The following SLC2A9 variants were observed in gnomAD, a reference collection of about 807,000 sequenced individuals.
SLC2A9 encodes solute carrier family 2, facilitated glucose transporter member 9.
A neutral mutation model predicts 50.6 loss-of-function variants in SLC2A9; 39 were observed. The observed-to-expected ratio is 0.77, with a 90% CI of 0.60 to 1.01. The LOEUF (loss-of-function observed/expected upper bound fraction) is 1.01, where lower values mean the gene tolerates loss of function less well. Among genes scored for constraint, SLC2A9 ranks in the 50% least tolerant of loss-of-function variants. The probability of loss-of-function intolerance (pLI) is 0.00; values close to 1 mark genes in which losing one functional copy is unlikely to be tolerated. For synonymous variants in SLC2A9, 324 were observed against 276.9 expected (o/e 1.17, Z -1.69); for missense variants, 686 against 677.6 (o/e 1.01, Z -0.14).
chr4:9,938,237 T>C (rs1156917692), intron 6 of SLC2A9, among the ~76,000 whole-genome samples: 1 of 151,988 alleles, frequency 6.6e-6, no homozygotes, highest in Non-Finnish European at 1.5e-5. Flanking sequence ...AAATTTTCTG[T>C]GTCTCCAACC....
intron 5 of SLC2A9, among the ~76,000 whole-genome samples, chr4:9,949,639 C>T (rs1217839646): frequency 2.6e-5 from 4 of 152,128 alleles, no homozygotes; most frequent in African/African-American, 9.7e-5. Context: ...ATCTGCAGTT[C>T]CTGGAGCAAA....
intron 7 of SLC2A9, among the ~76,000 whole-genome samples, chr4:9,919,054 T>C (rs1405537492): frequency 6.6e-6 from 1 of 152,182 alleles, no homozygotes; most frequent in Non-Finnish European, 1.5e-5. Flanking sequence ...TTAGAACTGA[T>C]GGTTCTCAGT....
chr4:9,935,354 C>G (rs573182021), intron 6 of SLC2A9, among the ~76,000 whole-genome samples: 1 of 152,196 alleles, frequency 6.6e-6, no homozygotes, highest in South Asian at 2.1e-4. Context: ...CACTGTCCCT[C>G]GGAGGGGGAG....
intron 5 of SLC2A9, among the ~76,000 whole-genome samples, chr4:9,949,241 A>G (rs1392773504): frequency 6.6e-6 from 1 of 152,160 alleles, no homozygotes; most frequent in Non-Finnish European, 1.5e-5. Context: ...TTATCTGCCC[A>G]GTGCCAGGTA....
At chr4:9,829,933 A>G (rs1477505323) in intron 11 of SLC2A9, among the ~76,000 whole-genome samples, 1 of 152,232 alleles carries the variant, frequency 6.6e-6, no homozygotes, top group African/African-American at 2.4e-5. Context: ...AATTAGTTCA[A>G]TCATTGTGAA....
chr4:9,958,547 G>C (rs1034134939), intron 5 of SLC2A9, among the ~76,000 whole-genome samples: 4 of 152,156 alleles, frequency 2.6e-5, no homozygotes, highest in Non-Finnish European at 4.4e-5. Context: ...TGTAGATCAC[G>C]GGTTGATAGG....
intron 3 of SLC2A9, among the ~76,000 whole-genome samples, chr4:9,811,211 T>C (rs1040857598): frequency 6.6e-6 from 1 of 152,278 alleles, no homozygotes; most frequent in East Asian, 1.9e-4. Flanking sequence ...TTGGGGGTGG[T>C]AGACAGTTTG....
At chr4:9,886,015 T>C (rs1185953637) in intron 10 of SLC2A9, among the ~76,000 whole-genome samples, 2 of 152,108 alleles carry the variant, frequency 1.3e-5, no homozygotes, top group Non-Finnish European at 2.9e-5. Context: ...CTATGATGGG[T>C]GATGAGATAG....
At chr4:9,783,061 C>T (rs1718711529) in intron 3 of SLC2A9, 3 of 1,614,236 alleles carry the variant, frequency 1.9e-6, no homozygotes, top group Middle Eastern at 1.6e-4. Flanking sequence ...TCGACGTCTT[C>T]GTCTGGTTCG....
Position 10,019,059 on chromosome 4 carries a change from C to T in SLC2A9, c.165G>A (p.Ser55=), listed in dbSNP as rs559989433. Residue 55 remains serine, a synonymous_variant, in exon 2 of 12, where the codon TCG becomes TCA. Transcript: ENST00000264784. Reference sequence around the variant, plus strand: ...CGCCCGCGAGGGAGGCCACGAGGAGCGAGCAGGACCAGTCCTGAGGGGAGA... The same window carrying T: ...CGCCCGCGAGGGAGGCCACGAGGAGTGAGCAGGACCAGTCCTGAGGGGAGA... ...GGRRRKDWSC[S]LLVASLAGAF... 1.3e-6 allele frequency: 2 copies of T among 1,551,050 alleles called. No homozygotes were observed. Among genetic ancestry groups the T allele is most frequent in the Non-Finnish European group, 8.7e-7 (1 of 1,146,966 alleles).
chr4:9,875,299 G>A (rs1392108704), intron 10 of SLC2A9, among the ~76,000 whole-genome samples: 1 of 150,790 alleles, frequency 6.6e-6, no homozygotes, highest in East Asian at 2.0e-4. Flanking sequence ...TCTAAGATGG[G>A]ATGCTGTGTC....
intron 8 of SLC2A9, among the ~76,000 whole-genome samples, chr4:9,903,274 T>TA: frequency 6.7e-6 from 1 of 150,082 alleles, no homozygotes; most frequent in East Asian, 1.9e-4. Flanking sequence ...TTTTTTTTTT[T>TA]ACTACAAGTC....
At chr4:9,786,958 G>A (rs1719302380) in intron 3 of SLC2A9, among the ~76,000 whole-genome samples, 1 of 152,192 alleles carries the variant, frequency 6.6e-6, no homozygotes, top group Non-Finnish European at 1.5e-5. Flanking sequence ...CAGCACTCGA[G>A]AGGACTTGGC....
intron 11 of SLC2A9, among the ~76,000 whole-genome samples, chr4:9,833,887 G>A (rs1261985698): frequency 6.6e-6 from 1 of 152,146 alleles, no homozygotes; most frequent in Non-Finnish European, 1.5e-5. Flanking sequence ...GTGGGCATTT[G>A]AGCAGGGAAG....
chr4:10,010,199 C>G (rs532813715), intron 2 of SLC2A9, among the ~76,000 whole-genome samples: 21 of 152,268 alleles, frequency 1.4e-4, no homozygotes, highest in Admixed American at 1.2e-3. Flanking sequence ...TGATGAAACC[C>G]CAATAAAAAT....
intron 1 of SLC2A9, among the ~76,000 whole-genome samples, chr4:10,038,511 A>C (rs1369035531): frequency 6.9e-6 from 1 of 144,000 alleles, no homozygotes; most frequent in African/African-American, 2.5e-5. Flanking sequence ...TGTCTCAAAA[A>C]AAAAAAAAAA....
At position 9,782,115 on chromosome 4, in the gene SLC2A9, G is replaced by T. The variant is rs1023663186; in HGVS notation, n.386-2050C>A. On this transcript the variant is annotated intron_variant and non_coding_transcript_variant, in intron 3 of 3. Transcript: ENST00000503803. ...CTGGCGCAGGGGAACGCCGTGGGGG[G>T]CTCGGCGGGGGCACCGCCACTGGGG... is the stretch of plus-strand genomic sequence containing the variant. 1 of 1,547,448 alleles carries T rather than the reference G, an allele frequency of 6.5e-7. No homozygotes were observed.
At chr4:9,849,370 C>G (rs1729501835) in intron 10 of SLC2A9, among the ~76,000 whole-genome samples, 1 of 152,170 alleles carries the variant, frequency 6.6e-6, no homozygotes, top group African/African-American at 2.4e-5. Context: ...GTTCGTGCCT[C>G]TCAGCATTGT....
intron 9 of SLC2A9, among the ~76,000 whole-genome samples, chr4:9,889,946 T>C (rs1423612671): frequency 6.6e-6 from 1 of 152,096 alleles, no homozygotes; most frequent in Non-Finnish European, 1.5e-5. Context: ...CTTATCTCCA[T>C]AAAACAAAAA....
Sources: allele counts gnomAD v4.1 joint callset (sites outside exome capture counted in the v4.1 genomes callset), GRCh38; gene constraint gnomAD v4.1.1; transcripts MANE v1.5; gene names NCBI Gene and HGNC (gene_info 2026-07-23, HGNC 2026-07-21).